Variants in ABCC1 observed in about 807,000 individuals in gnomAD.
ABCC1 encodes multidrug resistance-associated protein 1.
Under a neutral mutation model 172.9 loss-of-function variants are expected in ABCC1, and 83 were observed. The ratio of observed to expected loss-of-function variants is 0.48; its 90% confidence interval spans 0.40 to 0.58. The LOEUF is 0.58. Among genes scored for constraint, ABCC1 ranks in the 20% least tolerant of loss-of-function variants. ABCC1 has a pLI of 0.00. For synonymous variants in ABCC1, 937 were observed against 825.2 expected, an observed-to-expected ratio of 1.14 and a Z score of -2.32; for missense variants, 1,817 against 2,002.7, an observed-to-expected ratio of 0.91 and a Z score of 1.77.
intron 9 of ABCC1, among the ~76,000 whole-genome samples, chr16:16,047,767 A>G (rs1261542339): frequency 6.6e-6 from 1 of 152,072 alleles, no homozygotes; most frequent in African/African-American, 2.4e-5. Flanking sequence ...CTGGAAGCGT[A>G]GAAATGCAGA....
rs775494348 is a variant in ABCC1 at position 16,131,954 on chromosome 16, A to G, written c.3966+19A>G. On this transcript the variant is annotated intron_variant, in intron 27 of 30. Transcript: ENST00000399410. ...AGAAAAGGTGGGTACACATCGCCCC[A>G]TTCCCTCACCCATTCCCAGTCGGGC... 2 of 1,609,128 alleles carry G rather than the reference A, an allele frequency of 1.2e-6. No individual in the cohort carries two copies. The highest frequency in any genetic ancestry group is 1.7e-6 in the Non-Finnish European group (2 of 1,176,796).
At chr16:16,070,244 G>A (rs1466977947) in intron 13 of ABCC1, among the ~76,000 whole-genome samples, 9 of 151,874 alleles carry the variant, frequency 5.9e-5, no homozygotes, top group African/African-American at 1.7e-4. Flanking sequence ...TGGGGTGCAT[G>A]CCTGCAGTGA....
Position 16,111,364 on chromosome 16 carries a change from G to C in ABCC1, c.2872-11G>C. 4.3e-6 allele frequency: 7 copies of C among 1,613,544 alleles called. No individual in the cohort carries two copies. Among genetic ancestry groups the C allele is most frequent in the Non-Finnish European group, 5.9e-6 (7 of 1,179,550 alleles). On this transcript the variant is annotated splice_polypyrimidine_tract_variant and intron_variant, in intron 21 of 30. Coordinates refer to ENST00000399410, the MANE Select transcript of ABCC1 (RefSeq NM_004996.4). Reference sequence around the variant, plus strand: ...CATGTGCTAAGCTGCCTTATCTCCTGTGATCTCCAGGTCAAGCTTTCCGTG... The same window carrying C: ...CATGTGCTAAGCTGCCTTATCTCCTCTGATCTCCAGGTCAAGCTTTCCGTG...
chr16:16,102,549 T>G, intron 19 of ABCC1, 78 bp from the exon 20 acceptor site: 1 of 1,349,536 alleles, frequency 7.4e-7, no homozygotes, highest in Non-Finnish European at 1.0e-6. Context: ...CTCACTGAAG[T>G]GGCCGGTTTT....
rs1172791851 is a variant in ABCC1, at chr16:16,086,884, A to G, written c.2353A>G (p.Asn785Asp). The G allele has an allele frequency of 2.5e-6, 4 of 1,614,072 alleles. No homozygotes were observed. In the African/African-American group the frequency reaches 4.0e-5, roughly 16 times the overall value. The change falls in exon 18 of 31, where the codon AAC becomes GAC. Residue 785 changes from asparagine to aspartate, a missense_variant. Coordinates refer to ENST00000399410, the MANE Select transcript of ABCC1 (RefSeq NM_004996.4). ...GAGCCTGGCCCGGGCCGTGTACTCC[A>G]ACGCTGACATTTACCTCTTCGATGA... Reference protein sequence around the residue: ...RVSLARAVYSNADIYLFDDPL... With the variant: ...RVSLARAVYSDADIYLFDDPL...
intron 1 of ABCC1, among the ~76,000 whole-genome samples, chr16:15,958,572 A>T (rs941811237): frequency 2.6e-5 from 4 of 152,240 alleles, no homozygotes; most frequent in African/African-American, 9.6e-5. Context: ...TTCATGGCGA[A>T]GTAAGGCCTA....
rs765632176 is a variant in ABCC1 at position 16,007,213 on chromosome 16, G to GTT, written c.49-602_49-601dup. The stretch of plus-strand genomic sequence containing the variant: ...GTGGGTTTTTTTGTGTGTATGCACT[G>GTT]TTGTGTGTGTGTGTGTGTGTGTGTG... On this transcript the variant is annotated intron_variant, in intron 1 of 30. Transcript: ENST00000399410. Among the ~76,000 whole-genome samples, 267 of 107,460 alleles carry GTT rather than the reference G, an allele frequency of 2.5e-3. 1 individual carries two copies. The highest frequency in any genetic ancestry group is 8.1e-3 in the African/African-American group (231 of 28,594). 70.5% of individuals were successfully genotyped at this position (107,460 alleles called of 152,430 possible).
At chr16:16,129,856 C>T (rs1289092241) in intron 26 of ABCC1, among the ~76,000 whole-genome samples, 2 of 152,140 alleles carry the variant, frequency 1.3e-5, no homozygotes, top group African/African-American at 2.4e-5. Context: ...TTTTATAGCA[C>T]GTCCACAAAA....
Position 16,088,180 on chromosome 16 carries a change from A to G in ABCC1, c.2460+1189A>G, listed in dbSNP as rs543592980. On this transcript the variant is annotated intron_variant, in intron 18 of 30. Coordinates refer to ENST00000399410, the MANE Select transcript of ABCC1 (RefSeq NM_004996.4). Reference sequence around the variant, plus strand: ...GTATATAAAGTAAATAAAGCTGGGCACGGTGAGTAATCCCAACACTTTTGG... The same window carrying G: ...GTATATAAAGTAAATAAAGCTGGGCGCGGTGAGTAATCCCAACACTTTTGG... Among the ~76,000 whole-genome samples the G allele has an allele frequency of 6.5e-4, 99 of 151,920 alleles. 1 individual carries two copies. The highest frequency in any genetic ancestry group is 9.9e-4 in the Admixed American group (15 of 15,184).
intron 1 of ABCC1, among the ~76,000 whole-genome samples, chr16:15,971,089 C>T (rs1051313784): frequency 8.5e-5 from 13 of 152,130 alleles, no homozygotes; most frequent in Non-Finnish European, 1.3e-4. Flanking sequence ...TGTATAGAGA[C>T]GGAGGAGGGC....
At chr16:16,048,112 C>G in intron 9 of ABCC1, 30 bp from the exon 10 acceptor site, 1 of 1,612,644 alleles carries the variant, frequency 6.2e-7, no homozygotes, top group Non-Finnish European at 8.5e-7. Context: ...CTGCCACACT[C>G]ACCCACCTTC....
intron 19 of ABCC1, 69 bp downstream of exon 19, chr16:16,090,657 T>C: frequency 6.9e-7 from 1 of 1,453,154 alleles, no homozygotes; most frequent in Non-Finnish European, 9.1e-7. Context: ...TTGGCCTCTT[T>C]GAGGTTGCCA....
At chr16:16,061,380 G>T (rs183426282) in intron 12 of ABCC1, among the ~76,000 whole-genome samples, 47 of 152,350 alleles carry the variant, frequency 3.1e-4, no homozygotes, top group African/African-American at 1.1e-3. Flanking sequence ...GTGTTGTAGG[G>T]CCTGGACTGC....
chr16:16,119,788 C>T (rs2045070823), intron 23 of ABCC1, among the ~76,000 whole-genome samples: 1 of 152,122 alleles, frequency 6.6e-6, no homozygotes, highest in Non-Finnish European at 1.5e-5. Context: ...GGAAAGTGAA[C>T]AGGTAACACA....
intron 29 of ABCC1, 55 bp from the exon 30 acceptor site, chr16:16,138,309 G>C: frequency 6.6e-7 from 1 of 1,511,086 alleles, no homozygotes; most frequent in South Asian, 1.3e-5. Context: ...CCTAGGTTCA[G>C]GGTCAGGGGT....
At chr16:16,065,763 A>C (rs2050088646) in intron 12 of ABCC1, among the ~76,000 whole-genome samples, 1 of 152,148 alleles carries the variant, frequency 6.6e-6, no homozygotes, top group Non-Finnish European at 1.5e-5. Flanking sequence ...AATTTTGTAG[A>C]GACACAGCCT....
At chr16:16,085,732 A>T (rs1311140148) in intron 17 of ABCC1, among the ~76,000 whole-genome samples, 2 of 152,204 alleles carry the variant, frequency 1.3e-5, no homozygotes, top group Non-Finnish European at 2.9e-5. Context: ...GTGAGCTGAG[A>T]TTGTGCCACT....
intron 14 of ABCC1, among the ~76,000 whole-genome samples, chr16:16,074,807 C>T (rs2050490427): frequency 6.6e-6 from 1 of 152,152 alleles, no homozygotes; most frequent in Non-Finnish European, 1.5e-5. Context: ...TCCTCTCTCT[C>T]TAGGTTTTTT....
At position 15,982,803 on chromosome 16, in the gene ABCC1, C is replaced by CAAAAAAAAAAAAAAAAAA. The variant is rs148834444; in HGVS notation, c.49-25009_49-24992dup. On this transcript the variant is annotated intron_variant, in intron 1 of 30. Coordinates refer to ENST00000399410, the MANE Select transcript of ABCC1 (RefSeq NM_004996.4). ...TCTGGGCAACAGAGTGAGACGCTGT[C>CAAAAAAAAAAAAAAAAAA]AAAAAAAAAAAAAAAAAAAAAGGAA... Among the ~76,000 whole-genome samples, 45 of 43,222 alleles carry CAAAAAAAAAAAAAAAAAA rather than the reference C, an allele frequency of 1.0e-3. 10 individuals are homozygous for CAAAAAAAAAAAAAAAAAA. The highest frequency in any genetic ancestry group is 3.8e-3 in the South Asian group (3 of 790). 28.4% of individuals were successfully genotyped at this position (43,222 alleles called of 152,430 possible).
Sources: allele counts gnomAD v4.1 joint callset (sites outside exome capture counted in the v4.1 genomes callset), GRCh38; gene constraint gnomAD v4.1.1; transcripts MANE v1.5; gene names NCBI Gene and HGNC (gene_info 2026-07-23, HGNC 2026-07-21).